Variants in SH3PXD2B observed in about 807,000 individuals in gnomAD.
The protein encoded by SH3PXD2B is SH3 and PX domain-containing protein 2B.
In SH3PXD2B, 37 loss-of-function variants were observed where a neutral mutation model predicts 73.1. The ratio of observed to expected loss-of-function variants is 0.51; its 90% CI spans 0.39 to 0.67. The LOEUF (loss-of-function observed/expected upper bound fraction) is 0.67. Ranked by LOEUF, SH3PXD2B falls within the 30% of genes least tolerant of loss-of-function variation. The pLI is 0.00. For synonymous variants in SH3PXD2B, 457 were observed against 480.5 expected, an observed-to-expected ratio of 0.95 and a Z score of 0.64; for missense variants, 1,053 against 1,197.8, an observed-to-expected ratio of 0.88 and a Z score of 1.78.
intron 4 of SH3PXD2B, among the ~76,000 whole-genome samples, chr5:172,394,278 A>G (rs1021438307): frequency 6.6e-6 from 1 of 152,250 alleles, no homozygotes; most frequent in African/African-American, 2.4e-5. Context: ...AAATTCTCAC[A>G]TAATAATTAT....
chr5:172,331,571 T>A (rs1366755767), downstream of SH3PXD2B, among the ~76,000 whole-genome samples: 2 of 152,172 alleles, frequency 1.3e-5, no homozygotes, highest in East Asian at 3.8e-4. Flanking sequence ...GTGATGGTAA[T>A]CTTGGACTCA....
intron 2 of SH3PXD2B, among the ~76,000 whole-genome samples, chr5:172,418,617 T>C (rs1758880622): frequency 6.7e-6 from 1 of 149,868 alleles, no homozygotes; most frequent in African/African-American, 2.5e-5. Flanking sequence ...GATCCTGCCC[T>C]AACCTCTTCC....
chr5:172,359,551 G>T (rs115502530), intron 7 of SH3PXD2B, among the ~76,000 whole-genome samples: 5 of 152,118 alleles, frequency 3.3e-5, no homozygotes, highest in Non-Finnish European at 7.3e-5. Flanking sequence ...CCAAGTTCAC[G>T]TGGCTGCGGT....
At chr5:172,390,990 C>T (rs574086287) in intron 4 of SH3PXD2B, among the ~76,000 whole-genome samples, 1 of 152,068 alleles carries the variant, frequency 6.6e-6, no homozygotes, top group East Asian at 1.9e-4. Flanking sequence ...TACAGGCATG[C>T]GCCACCTCGC....
Position 172,447,246 on chromosome 5 carries a change from TAC to T in SH3PXD2B, c.75+7030_75+7031del, listed in dbSNP as rs1169376194. Reference sequence around the variant, plus strand: ...ATTTTATCAGCTGTATTTCTGAGCTTACACAGACTCATATTTTCATCCTTCGT... The same window carrying T: ...ATTTTATCAGCTGTATTTCTGAGCTTACAGACTCATATTTTCATCCTTCGT... On this transcript the variant is annotated intron_variant, in intron 1 of 12. Coordinates refer to ENST00000311601, the MANE Select transcript of SH3PXD2B (RefSeq NM_001017995.3). 4.6e-5 allele frequency among the ~76,000 whole-genome samples: 7 copies of T among 152,204 alleles called. No individual in the cohort carries two copies. In the East Asian group the frequency reaches 1.3e-3, roughly 29 times the overall value.
downstream of SH3PXD2B, among the ~76,000 whole-genome samples, chr5:172,329,077 A>ATTTTTTT (rs1386202364): frequency 7.9e-5 from 5 of 63,584 alleles, no homozygotes; most frequent in African/African-American, 1.8e-4. Flanking sequence ...ATATATATAT[A>ATTTTTTT]TATATATTTT....
chr5:172,439,295 C>A (rs368017281), intron 1 of SH3PXD2B, among the ~76,000 whole-genome samples: 8,146 of 126,220 alleles, frequency 0.065, 393 homozygotes, highest in Non-Finnish European at 0.092. Context: ...AAAAAAACCC[C>A]AAAAAAAAAC....
At chr5:172,359,434 G>C (rs1168945820) in intron 7 of SH3PXD2B, among the ~76,000 whole-genome samples, 1 of 141,398 alleles carries the variant, frequency 7.1e-6, no homozygotes, top group Non-Finnish European at 1.5e-5. Flanking sequence ...CCTTCACTAA[G>C]ATGTGTGATG....
chr5:172,343,106 T>A (rs578069554), intron 12 of SH3PXD2B, among the ~76,000 whole-genome samples: 1 of 152,330 alleles, frequency 6.6e-6, no homozygotes, highest in South Asian at 2.1e-4. Flanking sequence ...GCGATTAAAT[T>A]AGAGTGGAGG....
chr5:172,428,886 G>A (rs1759164995), intron 1 of SH3PXD2B, among the ~76,000 whole-genome samples: 1 of 152,198 alleles, frequency 6.6e-6, no homozygotes. Context: ...GCAGGGCACA[G>A]CTCAGATGCT....
intron 6 of SH3PXD2B, among the ~76,000 whole-genome samples, chr5:172,367,659 A>G (rs1757559883): frequency 6.6e-6 from 1 of 152,210 alleles, no homozygotes. Context: ...GGCCACTTGG[A>G]ATAAGACTCC....
intron 7 of SH3PXD2B, among the ~76,000 whole-genome samples, chr5:172,360,200 A>G (rs1487958730): frequency 6.6e-6 from 1 of 152,196 alleles, no homozygotes; most frequent in Non-Finnish European, 1.5e-5. Context: ...TTGTATGAAG[A>G]TAAGGAAACT....
chr5:172,360,930 A>T (rs1757389709), intron 7 of SH3PXD2B, among the ~76,000 whole-genome samples: 1 of 152,230 alleles, frequency 6.6e-6, no homozygotes, highest in Non-Finnish European at 1.5e-5. Context: ...GTGCACACAG[A>T]CATGTTCACA....
At chr5:172,406,194 C>T in intron 3 of SH3PXD2B, 83 bp downstream of exon 3, 1 of 1,437,766 alleles carries the variant, frequency 7.0e-7, no homozygotes. Flanking sequence ...TAAAGGAAGA[C>T]AAGCTGATAA....
At chr5:172,451,986 A>G (rs1341273662) in intron 1 of SH3PXD2B, among the ~76,000 whole-genome samples, 1 of 152,232 alleles carries the variant, frequency 6.6e-6, no homozygotes. Context: ...GACTAAAGCC[A>G]CATGCAGAAA....
At chr5:172,443,076 G>A (rs1016136026) in intron 1 of SH3PXD2B, among the ~76,000 whole-genome samples, 1 of 152,156 alleles carries the variant, frequency 6.6e-6, no homozygotes, top group African/African-American at 2.4e-5. Flanking sequence ...CTGAATTATA[G>A]TTATCAAAAT....
At chr5:172,443,953 C>T (rs929037394) in intron 1 of SH3PXD2B, among the ~76,000 whole-genome samples, 6 of 152,260 alleles carry the variant, frequency 3.9e-5, no homozygotes, top group Non-Finnish European at 8.8e-5. Flanking sequence ...AACTGCTTCA[C>T]CTTTCTAAGC....
chr5:172,432,928 G>T (rs1182772688), intron 1 of SH3PXD2B, among the ~76,000 whole-genome samples: 1 of 47,420 alleles, frequency 2.1e-5, no homozygotes, highest in Non-Finnish European at 5.0e-5. Context: ...AAAAAAAAGG[G>T]GGGGGGGGGG....
intron 5 of SH3PXD2B, among the ~76,000 whole-genome samples, chr5:172,374,764 A>T (rs2113355985): frequency 6.6e-6 from 1 of 152,338 alleles, no homozygotes; most frequent in Non-Finnish European, 1.5e-5. Flanking sequence ...TTATCTCATG[A>T]GTAATGAAGT....
Sources: allele counts gnomAD v4.1 joint callset (sites outside exome capture counted in the v4.1 genomes callset), GRCh38; gene constraint gnomAD v4.1.1; transcripts MANE v1.5; gene names NCBI Gene and HGNC (gene_info 2026-07-23, HGNC 2026-07-21).